Variants in SLCO3A1 observed in about 807,000 individuals in gnomAD.
SLCO3A1 encodes the protein solute carrier organic anion transporter family member 3A1.
In SLCO3A1, 27 loss-of-function variants were observed where a neutral mutation model predicts 63.1. That is an observed-to-expected ratio of 0.43 (90% CI 0.32 to 0.59). The LOEUF (loss-of-function observed/expected upper bound fraction) is 0.59. SLCO3A1 is among the 20% of genes least tolerant of loss of function. The pLI is 0.09. For missense variants in SLCO3A1, 773 were observed against 945.8 expected, an observed-to-expected ratio of 0.82 and a Z score of 2.40; for synonymous variants, 473 against 409.9, an observed-to-expected ratio of 1.15 and a Z score of -1.86.
At chr15:92,124,413 C>T (rs574909974) in intron 5 of SLCO3A1, among the ~76,000 whole-genome samples, 16 of 152,184 alleles carry the variant, frequency 1.1e-4, no homozygotes, top group African/African-American at 3.6e-4. Context: ...AGGTGACACC[C>T]CCACTGTCTC....
At chr15:92,128,965 T>A (rs1331615273) in intron 7 of SLCO3A1, among the ~76,000 whole-genome samples, 2 of 152,250 alleles carry the variant, frequency 1.3e-5, no homozygotes, top group Non-Finnish European at 2.9e-5. Context: ...CCTCTTTCCA[T>A]GTTCCTGACA....
chr15:92,133,240 C>A (rs1243328149), intron 7 of SLCO3A1, among the ~76,000 whole-genome samples: 1 of 146,514 alleles, frequency 6.8e-6, no homozygotes, highest in Non-Finnish European at 1.5e-5. Context: ...AGAACCACCG[C>A]TGTCATAGAA....
At chr15:92,076,270 C>T (rs1362108915) in intron 2 of SLCO3A1, among the ~76,000 whole-genome samples, 1 of 152,146 alleles carries the variant, frequency 6.6e-6, no homozygotes, top group East Asian at 1.9e-4. Flanking sequence ...GCATCGGTTG[C>T]GTGCAGCTGG....
In SLCO3A1 at chr15:92,131,568, G is replaced by A. The variant is rs534985054; in HGVS notation, c.1512+3079G>A. On this transcript the variant is annotated intron_variant, in intron 7 of 9. Transcript: ENST00000318445. The stretch of plus-strand genomic sequence containing the variant: ...TTTGGTAGAGACGGGGTTTTTCACC[G>A]TGACGGCCAGGCTGGTCTTGAACTC... 3.0e-4 allele frequency among the ~76,000 whole-genome samples: 43 copies of A among 144,544 alleles called. 6 individuals carry two copies. Among genetic ancestry groups the A allele is most frequent in the African/African-American group, 9.8e-4 (39 of 39,918 alleles). The allele number at this position is 144,544 out of a possible 152,430, so 94.8% of individuals were successfully genotyped here. A position where few individuals can be genotyped will look rare whatever the true frequency, so the allele number is the denominator to read the frequency against.
At chr15:91,989,345 G>A (rs776684032) in intron 2 of SLCO3A1, among the ~76,000 whole-genome samples, 1 of 152,042 alleles carries the variant, frequency 6.6e-6, no homozygotes, top group East Asian at 1.9e-4. Flanking sequence ...CCTTCCTATC[G>A]TGTGAGCAAC....
At chr15:91,997,355 G>A (rs1222476130) in intron 2 of SLCO3A1, among the ~76,000 whole-genome samples, 1 of 152,174 alleles carries the variant, frequency 6.6e-6, no homozygotes, top group African/African-American at 2.4e-5. Context: ...TGATGTCATA[G>A]ATGACACAAA....
chr15:92,022,431 T>C (rs1790792718), intron 2 of SLCO3A1, among the ~76,000 whole-genome samples: 1 of 152,220 alleles, frequency 6.6e-6, no homozygotes, highest in South Asian at 2.1e-4. Flanking sequence ...AGGAAATCTA[T>C]GACCTTAGCC....
At chr15:91,857,029 C>CGT (rs58042356) in intron 1 of SLCO3A1, among the ~76,000 whole-genome samples, 7,973 of 138,956 alleles carry the variant, frequency 0.057, 241 homozygotes, top group Middle Eastern at 0.11. Flanking sequence ...AAGGAGGACT[C>CGT]GTGTGTGTGT....
chr15:92,133,157 A>C (rs2048016672), intron 7 of SLCO3A1, among the ~76,000 whole-genome samples: 2 of 145,764 alleles, frequency 1.4e-5, no homozygotes, highest in South Asian at 4.4e-4. Context: ...CTCCCCAGCC[A>C]CAAGTTCCGA....
intron 1 of SLCO3A1, among the ~76,000 whole-genome samples, chr15:91,879,374 T>C (rs950984321): frequency 6.6e-6 from 1 of 152,032 alleles, no homozygotes; most frequent in Non-Finnish European, 1.5e-5. Context: ...GAAACAGTGA[T>C]GTCATTGGTG....
At chr15:92,106,607 T>C (rs906684703) in intron 4 of SLCO3A1, among the ~76,000 whole-genome samples, 5 of 152,188 alleles carry the variant, frequency 3.3e-5, no homozygotes, top group African/African-American at 9.7e-5. Context: ...AGGGCTCTGA[T>C]TGTAAAAGCT....
intron 7 of SLCO3A1, among the ~76,000 whole-genome samples, chr15:92,129,515 C>T (rs960988688): frequency 6.6e-6 from 1 of 152,304 alleles, no homozygotes; most frequent in East Asian, 1.9e-4. Context: ...GTGCCTCTTT[C>T]TCCTAAAGAC....
At chr15:92,017,236 C>T (rs1410067376) in intron 2 of SLCO3A1, among the ~76,000 whole-genome samples, 1 of 150,780 alleles carries the variant, frequency 6.6e-6, no homozygotes, top group Middle Eastern at 3.2e-3. Flanking sequence ...CTCAAAGGTG[C>T]GGATGATCTT....
chr15:91,988,892 A>T (rs1326954715), intron 2 of SLCO3A1, among the ~76,000 whole-genome samples: 2 of 152,216 alleles, frequency 1.3e-5, no homozygotes, highest in African/African-American at 4.8e-5. Context: ...ATACAGTCCA[A>T]TCATGGCTGC....
At chr15:91,896,853 G>A (rs1270586383) in intron 1 of SLCO3A1, among the ~76,000 whole-genome samples, 3 of 152,180 alleles carry the variant, frequency 2.0e-5, no homozygotes, top group African/African-American at 7.2e-5. Flanking sequence ...TTATCATCAG[G>A]ACATGCTGTA....
Position 92,165,064 on chromosome 15 carries a change from G to T in SLCO3A1, c.*1929G>T. On this transcript the variant is annotated 3_prime_UTR_variant, in exon 10 of 10. Transcript: ENST00000318445. Reference sequence around the variant, plus strand: ...TAAAAAATGGTTGGGAGTGGGACAGGTATGGTACCGAATTTTTAATGAACA... The same window carrying T: ...TAAAAAATGGTTGGGAGTGGGACAGTTATGGTACCGAATTTTTAATGAACA... The T allele has an allele frequency of 1.0e-6, 1 of 985,362 alleles. No homozygotes were observed. Among genetic ancestry groups the T allele is most frequent in the Non-Finnish European group, 1.2e-6 (1 of 829,876 alleles). 61.0% of individuals were successfully genotyped at this position (985,362 alleles called of 1,614,324 possible). A position where few individuals can be genotyped will look rare whatever the true frequency, so the allele number is the denominator to read the frequency against.
At chr15:92,114,640 T>C (rs2047770764) in intron 4 of SLCO3A1, among the ~76,000 whole-genome samples, 1 of 152,212 alleles carries the variant, frequency 6.6e-6, no homozygotes, top group African/African-American at 2.4e-5. Context: ...CTTTCCCTTT[T>C]TTTAAGTTAT....
chr15:92,074,623 G>C (rs2047254854), intron 2 of SLCO3A1, among the ~76,000 whole-genome samples: 1 of 152,198 alleles, frequency 6.6e-6, no homozygotes, highest in African/African-American at 2.4e-5. Context: ...TCCAGCCTGT[G>C]AGTTAGAACC....
At chr15:92,171,588 G>C (rs2048521723) in intron 10 of SLCO3A1, 1 of 543,416 alleles carries the variant, frequency 1.8e-6, no homozygotes. Context: ...CTTCAAAAAA[G>C]TCTCTGGGCT....
Sources: gnomAD v4.1 joint callset for allele counts (sites outside exome capture counted in the v4.1 genomes callset) on GRCh38, gnomAD v4.1.1 for gene constraint, MANE v1.5 for transcripts, NCBI Gene and HGNC (gene_info 2026-07-23, HGNC 2026-07-21) for gene names.